The following NKAIN3 variants were observed in gnomAD, a reference collection of about 807,000 sequenced individuals.
NKAIN3 encodes the protein sodium/potassium transporting ATPase interacting 3.
Under a neutral mutation model 30.2 loss-of-function variants are expected in NKAIN3, and 25 were observed. That is an observed-to-expected ratio of 0.83 (90% confidence interval 0.60 to 1.16). The LOEUF (loss-of-function observed/expected upper bound fraction) is 1.16, where lower values mean the gene tolerates loss of function less well. NKAIN3 is among the 50% of genes most tolerant of loss of function. The probability of loss-of-function intolerance (pLI) is 0.00; values close to 1 mark genes in which losing one functional copy is unlikely to be tolerated. For missense variants in NKAIN3, 225 were observed against 254.1 expected (o/e 0.89, Z 0.78); for synonymous variants, 91 against 89.6 (o/e 1.02, Z -0.09).
rs1031109804 is a variant in NKAIN3 at position 62,783,975 on chromosome 8, A to G, written c.471+36846A>G. ...TACACATTTTTTAAAGAGCACATGC[A>G]GCATTTTCCAGGACAGACCAAATGA... On this transcript the variant is annotated intron_variant, in intron 4 of 6. Transcript: ENST00000623646. Among the ~76,000 whole-genome samples, 3 of 152,134 alleles carry G rather than the reference A, an allele frequency of 2.0e-5. No homozygotes were observed. The South Asian group carries it at 6.2e-4, about 32-fold the overall frequency.
chr8:62,364,262 CA>C (rs1407882813), intron 1 of NKAIN3, among the ~76,000 whole-genome samples: 1 of 152,086 alleles, frequency 6.6e-6, no homozygotes, highest in Non-Finnish European at 1.5e-5. Flanking sequence ...TATTAACATA[CA>C]AAAAGTTAAT....
chr8:62,926,510 C>G (rs1167681641), intron 5 of NKAIN3, among the ~76,000 whole-genome samples: 1 of 151,214 alleles, frequency 6.6e-6, no homozygotes, highest in African/African-American at 2.5e-5. Flanking sequence ...GGGCCTCCCA[C>G]TCATTCTTCA....
intron 1 of NKAIN3, among the ~76,000 whole-genome samples, chr8:62,527,648 C>T (rs1808346691): frequency 6.6e-6 from 1 of 152,178 alleles, no homozygotes; most frequent in African/African-American, 2.4e-5. Context: ...TTTAATAACA[C>T]TATGGACTAG....
At chr8:62,660,933 C>T (rs1812925223) in intron 3 of NKAIN3, among the ~76,000 whole-genome samples, 1 of 152,190 alleles carries the variant, frequency 6.6e-6, no homozygotes, top group Admixed American at 6.5e-5. Context: ...GGAGACTTCT[C>T]CTGCTTTTGT....
intron 5 of NKAIN3, among the ~76,000 whole-genome samples, chr8:62,937,309 T>C (rs1822814455): frequency 6.6e-6 from 1 of 152,136 alleles, no homozygotes; most frequent in Non-Finnish European, 1.5e-5. Flanking sequence ...TTGAAAGAAG[T>C]GGCTTGCCAC....
rs184377518 is a variant in NKAIN3, at chr8:62,295,929, C to A, written c.54+46802C>A. On this transcript the variant is annotated intron_variant, in intron 1 of 6. Transcript: ENST00000623646. Reference sequence around the variant, plus strand: ...CTTCATAAAATTACATTTCTAATAACCTCACACCTTAGTGTAAATGTTCTG... The same window carrying A: ...CTTCATAAAATTACATTTCTAATAAACTCACACCTTAGTGTAAATGTTCTG... Among the ~76,000 whole-genome samples the A allele has an allele frequency of 5.9e-5, 9 of 152,260 alleles. No individual in the cohort carries two copies. In the East Asian group the frequency reaches 1.5e-3, roughly 26 times the overall value.
intron 1 of NKAIN3, among the ~76,000 whole-genome samples, chr8:62,437,889 A>T (rs1805216514): frequency 6.6e-6 from 1 of 152,240 alleles, no homozygotes; most frequent in Non-Finnish European, 1.5e-5. Context: ...AAATAATTTT[A>T]AAATTTTCTT....
chr8:62,363,429 C>T (rs2129592670), intron 1 of NKAIN3, among the ~76,000 whole-genome samples: 1 of 152,256 alleles, frequency 6.6e-6, no homozygotes, highest in South Asian at 2.1e-4. Flanking sequence ...CTAACAACGT[C>T]TGAGACCCTG....
chr8:62,855,467 T>C, intron 4 of NKAIN3: 2 of 1,312,794 alleles, frequency 1.5e-6, no homozygotes, highest in African/African-American at 2.9e-5. Context: ...GCTTCCAAAA[T>C]CTTCATTATT....
chr8:62,462,158 A>G (rs939184579), intron 1 of NKAIN3, among the ~76,000 whole-genome samples: 2 of 152,202 alleles, frequency 1.3e-5, no homozygotes, highest in African/African-American at 4.8e-5. Flanking sequence ...GTCCATGGGC[A>G]CAGGCGCAGA....
At chr8:62,914,777 CTT>C (rs34474788) in intron 4 of NKAIN3, among the ~76,000 whole-genome samples, 267 of 112,118 alleles carry the variant, frequency 2.4e-3, no homozygotes, top group African/African-American at 5.7e-3. Flanking sequence ...TTACTGTAAT[CTT>C]TTTTTTTTTT....
chr8:62,830,523 A>C (rs953786709), intron 4 of NKAIN3, among the ~76,000 whole-genome samples: 1 of 152,214 alleles, frequency 6.6e-6, no homozygotes, highest in Non-Finnish European at 1.5e-5. Context: ...TTTGCCTTAA[A>C]TTTTTCTAAA....
At chr8:62,995,071 T>G (rs1385277290) in intron 5 of NKAIN3, among the ~76,000 whole-genome samples, 1 of 152,204 alleles carries the variant, frequency 6.6e-6, no homozygotes. Context: ...TTTGAAAAAC[T>G]ACTTAAGCTT....
chr8:62,597,238 A>G (rs1810861841), intron 3 of NKAIN3, among the ~76,000 whole-genome samples: 1 of 152,044 alleles, frequency 6.6e-6, no homozygotes, highest in South Asian at 2.1e-4. Flanking sequence ...TGGCAAGCTT[A>G]CCACTGGGGC....
intron 4 of NKAIN3, among the ~76,000 whole-genome samples, chr8:62,785,779 A>C (rs1817497378): frequency 6.6e-6 from 1 of 152,014 alleles, no homozygotes; most frequent in African/African-American, 2.4e-5. Flanking sequence ...ACAATACATC[A>C]CTCCTCTATT....
intron 3 of NKAIN3, among the ~76,000 whole-genome samples, chr8:62,602,028 C>A (rs1193572531): frequency 6.6e-6 from 1 of 151,982 alleles, no homozygotes; most frequent in African/African-American, 2.4e-5. Context: ...TCATCAAATA[C>A]AAATACCTCA....
At chr8:62,679,402 A>G (rs996079089) in intron 3 of NKAIN3, among the ~76,000 whole-genome samples, 1 of 152,244 alleles carries the variant, frequency 6.6e-6, no homozygotes, top group African/African-American at 2.4e-5. Context: ...CAGCACAGTA[A>G]GTAGATGGAT....
At chr8:62,905,817 T>A (rs778264497) in intron 4 of NKAIN3, among the ~76,000 whole-genome samples, 1 of 152,206 alleles carries the variant, frequency 6.6e-6, no homozygotes, top group Non-Finnish European at 1.5e-5. Context: ...AATTGCTGAA[T>A]GTTGTGATGC....
rs548189492 is a variant in NKAIN3, at chr8:62,478,436, A to C, written c.55-101103A>C. Among the ~76,000 whole-genome samples the C allele has an allele frequency of 1.4e-4, 21 of 152,278 alleles. No homozygotes were observed. The South Asian group carries it at 3.7e-3, about 27-fold the overall frequency. ...CATGCATTGTGCAGTAACTCTGTGG[A>C]TGGCCCCATAAAATATATAATTCAC... On this transcript the variant is annotated intron_variant, in intron 1 of 6. Transcript: ENST00000623646.
Sources: allele counts gnomAD v4.1 joint callset (sites outside exome capture counted in the v4.1 genomes callset), GRCh38; gene constraint gnomAD v4.1.1; transcripts MANE v1.5; gene names NCBI Gene and HGNC (gene_info 2026-07-23, HGNC 2026-07-21).